Variants in FAM13B observed in about 807,000 individuals in gnomAD.
The protein encoded by FAM13B is family with sequence similarity 13 member B.
A neutral mutation model predicts 117.3 loss-of-function variants in FAM13B; 60 were observed. That is an observed-to-expected ratio of 0.51 (90% CI 0.42 to 0.63). The LOEUF (loss-of-function observed/expected upper bound fraction) is 0.63. Ranked by LOEUF, FAM13B falls within the 30% of genes least tolerant of loss-of-function variation. The pLI is 0.00. For synonymous variants in FAM13B, 332 were observed against 356.1 expected, an observed-to-expected ratio of 0.93 and a Z score of 0.76; for missense variants, 972 against 1,091.9, an observed-to-expected ratio of 0.89 and a Z score of 1.55.
At chr5:137,987,384 GT>G (rs1458101282) in intron 9 of FAM13B, 76 bp downstream of exon 9, 2 of 1,276,636 alleles carry the variant, frequency 1.6e-6, no homozygotes, top group African/African-American at 3.0e-5. Flanking sequence ...ATGAGATCCT[GT>G]TATTTAAGTA....
rs567916833 is a variant in FAM13B at position 137,988,110 on chromosome 5, T to C, written c.890+164A>G. 8.5e-5 allele frequency among the ~76,000 whole-genome samples: 13 copies of C among 152,316 alleles called. No individual in the cohort carries two copies. In the South Asian group the frequency reaches 2.1e-3, roughly 24 times the overall value. ...ATCTTTATTTTGTATAGTAATGCAA[T>C]GGGTTTCTTCTTCATTTGTTCCTAT... On this transcript the variant is annotated intron_variant, in intron 8 of 23. Coordinates refer to ENST00000689681, the MANE Select transcript of FAM13B (RefSeq NM_001385994.1).
At chr5:137,974,704 G>A (rs1031017538) in intron 10 of FAM13B, among the ~76,000 whole-genome samples, 18 of 146,428 alleles carry the variant, frequency 1.2e-4, no homozygotes, top group Non-Finnish European at 2.2e-4. Context: ...TCCTTACACT[G>A]CAAGTCAATT....
chr5:138,015,562 G>A (rs942153812), intron 4 of FAM13B, among the ~76,000 whole-genome samples: 1 of 152,174 alleles, frequency 6.6e-6, no homozygotes, highest in African/African-American at 2.4e-5. Context: ...AAGTAGCTGG[G>A]TATGGTAGCA....
At chr5:137,964,552 C>T (rs1376787772) in intron 10 of FAM13B, among the ~76,000 whole-genome samples, 1 of 151,364 alleles carries the variant, frequency 6.6e-6, no homozygotes, top group Non-Finnish European at 1.5e-5. Context: ...GAAACCCCAT[C>T]TCCACTAAAA....
chr5:138,044,552 G>GA (rs34297403), intron 1 of FAM13B, among the ~76,000 whole-genome samples: 18,664 of 107,704 alleles, frequency 0.17, 1,638 homozygotes, highest in East Asian at 0.39. Context: ...ACTCCATCTC[G>GA]AAAAAAAAAA....
At chr5:137,984,324 ACGAG>A (rs1776607858) in intron 10 of FAM13B, among the ~76,000 whole-genome samples, 1 of 152,232 alleles carries the variant, frequency 6.6e-6, no homozygotes, top group Non-Finnish European at 1.5e-5. Context: ...TCCTCTCTGT[ACGAG>A]CAAGAGAAAG....
Position 138,040,766 on chromosome 5 carries a change from G to A in FAM13B, c.-203+11112C>T, listed in dbSNP as rs114627850. On this transcript the variant is annotated intron_variant, in intron 1 of 3. Coordinates refer to the FAM13B transcript ENST00000502471. Reference sequence around the variant, plus strand: ...AGAAAGGGGATCTTAAAATTAGGCAGCAAGAAAAGACATTAGGCCGGGCAC... The same window carrying A: ...AGAAAGGGGATCTTAAAATTAGGCAACAAGAAAAGACATTAGGCCGGGCAC... 8.3e-3 allele frequency among the ~76,000 whole-genome samples: 1,258 copies of A among 151,124 alleles called. 25 individuals carry two copies. The highest frequency in any genetic ancestry group is 0.029 in the African/African-American group (1,184 of 41,204).
intron 10 of FAM13B, among the ~76,000 whole-genome samples, chr5:137,980,176 G>T (rs1373385014): frequency 1.8e-5 from 2 of 114,030 alleles, no homozygotes; most frequent in African/African-American, 6.9e-5. Flanking sequence ...TCCGTCTCAA[G>T]AAAAAAAAAA....
intron 7 of FAM13B, among the ~76,000 whole-genome samples, chr5:138,005,108 G>A (rs920967116): frequency 3.3e-5 from 5 of 152,112 alleles, no homozygotes; most frequent in African/African-American, 7.2e-5. Flanking sequence ...ATGGTGATGC[G>A]TGCCTATAGT....
At chr5:138,008,873 T>C (rs912115012) in intron 6 of FAM13B, among the ~76,000 whole-genome samples, 9 of 152,232 alleles carry the variant, frequency 5.9e-5, no homozygotes, top group Admixed American at 2.0e-4. Flanking sequence ...CCAGGCGCGG[T>C]GGCCCATGCC....
chr5:137,988,874 A>T (rs1014760856), intron 7 of FAM13B, among the ~76,000 whole-genome samples: 2 of 152,216 alleles, frequency 1.3e-5, no homozygotes, highest in Non-Finnish European at 2.9e-5. Context: ...ACCCCCAAAT[A>T]TATATACTTG....
Position 137,985,298 on chromosome 5 carries a change from T to C in FAM13B, c.1138A>G (p.Met380Val), listed in dbSNP as rs374537381. Residue 380 changes from methionine (M) to valine (V), a missense_variant, in exon 10 of 24, where the codon ATG (methionine) becomes GTG (valine). Physicochemically the swap from Met to Val is conservative, Grantham distance 21. Coordinates refer to ENST00000689681, the MANE Select transcript of FAM13B (RefSeq NM_001385994.1). ...TTCTCAAATACACAATCTTGCTGCATAGCTTCATTGTCTAAATTAGTGCTA... is the reference window on the plus strand; with the variant it reads ...TTCTCAAATACACAATCTTGCTGCACAGCTTCATTGTCTAAATTAGTGCTA... Reference protein sequence around the residue: ...VASTNLDNEAMQQDCVFENEE... With the variant: ...VASTNLDNEAVQQDCVFENEE... 25 of 1,613,836 alleles carry C rather than the reference T, an allele frequency of 1.5e-5. No homozygotes were observed. Among genetic ancestry groups the C allele is most frequent in the Non-Finnish European group, 2.0e-5 (24 of 1,179,932 alleles).
At chr5:137,972,758 A>G (rs1170727755) in intron 10 of FAM13B, among the ~76,000 whole-genome samples, 5 of 152,166 alleles carry the variant, frequency 3.3e-5, no homozygotes, top group African/African-American at 4.8e-5. Flanking sequence ...CAACTTCAGC[A>G]AAGTCTCAGG....
chr5:138,003,378 T>C (rs1781750002), intron 7 of FAM13B, among the ~76,000 whole-genome samples: 1 of 152,170 alleles, frequency 6.6e-6, no homozygotes, highest in South Asian at 2.1e-4. Flanking sequence ...AAGGGTTTTA[T>C]TTACCTGAAA....
chr5:137,979,254 C>G (rs1774938427), intron 10 of FAM13B, among the ~76,000 whole-genome samples: 1 of 152,106 alleles, frequency 6.6e-6, no homozygotes, highest in South Asian at 2.1e-4. Flanking sequence ...CTCAGGTGAT[C>G]TGCCCACCTT....
In FAM13B at chr5:137,940,243, A is replaced by G. The variant is rs772800290; in HGVS notation, c.2796T>C (p.Asp932=). Residue 932 remains aspartate, a synonymous_variant, in exon 24 of 24, where the codon GAT becomes GAC. Coordinates refer to ENST00000689681, the MANE Select transcript of FAM13B (RefSeq NM_001385994.1). ...RLLEVLISKQ[D]SSKSI ...ACGTATCTTATATGGATTTTGAAGA[A>G]TCTTGTTTGCTTATAAGAACTTCAA... The G allele has an allele frequency of 6.2e-7, 1 of 1,613,992 alleles. No homozygotes were observed. Among genetic ancestry groups the G allele is most frequent in the Non-Finnish European group, 8.5e-7 (1 of 1,179,912 alleles).
chr5:138,030,465 T>C (rs1425912054), intron 1 of FAM13B, among the ~76,000 whole-genome samples: 1 of 149,490 alleles, frequency 6.7e-6, no homozygotes, highest in Non-Finnish European at 1.5e-5. Flanking sequence ...CAGGCTGGCC[T>C]CAAACTCCTA....
chr5:138,046,194 T>C (rs1791636787), intron 1 of FAM13B, among the ~76,000 whole-genome samples: 1 of 152,188 alleles, frequency 6.6e-6, no homozygotes, highest in Non-Finnish European at 1.5e-5. Context: ...TGTGACTTGC[T>C]CCTCCTTCCT....
At chr5:137,993,066 A>T (rs1380110251) in intron 7 of FAM13B, among the ~76,000 whole-genome samples, 2 of 152,238 alleles carry the variant, frequency 1.3e-5, no homozygotes, top group Non-Finnish European at 2.9e-5. Context: ...ACAGTGAAAA[A>T]AATCACCGTT....
Sources: gnomAD v4.1 joint callset for allele counts (sites outside exome capture counted in the v4.1 genomes callset) on GRCh38, gnomAD v4.1.1 for gene constraint, MANE v1.5 for transcripts, NCBI Gene and HGNC (gene_info 2026-07-23, HGNC 2026-07-21) for gene names.